Variants in BTAF1 observed in about 807,000 individuals in gnomAD.
BTAF1 encodes TATA-binding protein-associated factor 172.
A neutral mutation model predicts 227.1 loss-of-function variants in BTAF1; 38 were observed. The ratio of observed to expected loss-of-function variants is 0.17; its 90% CI spans 0.13 to 0.22. The LOEUF (loss-of-function observed/expected upper bound fraction) is 0.22. Among genes scored for constraint, BTAF1 ranks in the 10% least tolerant of loss-of-function variants. The pLI is 1.00. For missense variants in BTAF1, 1,598 were observed against 2,204.0 expected, an observed-to-expected ratio of 0.73 and a Z score of 5.51; for synonymous variants, 742 against 751.9, an observed-to-expected ratio of 0.99 and a Z score of 0.21.
intron 14 of BTAF1, among the ~76,000 whole-genome samples, chr10:91,978,817 T>TG (rs1432098717): frequency 4.4e-5 from 1 of 22,898 alleles, no homozygotes; most frequent in Non-Finnish European, 8.6e-5. Flanking sequence ...ATGGCTTGTT[T>TG]TTTTTTTTTT....
chr10:91,992,189 G>A lies in BTAF1; in HGVS notation c.2925G>A (p.Arg975=). 1.2e-6 allele frequency: 2 copies of A among 1,613,958 alleles called. No individual in the cohort carries two copies. The highest frequency in any genetic ancestry group is 1.7e-6 in the Non-Finnish European group (2 of 1,179,980). The part of the protein sequence containing the change: ...TKHRGIITLY[R]HQKAAFAITS... ...ACAGAGGTATAATTACACTCTACAG[G>A]CACCAGAAAGCTGCCTTTGCTATCA... Residue 975 remains arginine (R), a synonymous_variant, in exon 21 of 38, where the codon AGG becomes AGA. Coordinates refer to ENST00000265990, the MANE Select transcript of BTAF1 (RefSeq NM_003972.3).
intron 20 of BTAF1, among the ~76,000 whole-genome samples, chr10:91,991,265 A>T (rs4290140): frequency 8.9e-5 from 8 of 90,060 alleles, no homozygotes; most frequent in Non-Finnish European, 1.2e-4. Flanking sequence ...TATAAATATA[A>T]ATATAAATAT....
chr10:91,994,406 G>A lies in BTAF1; in HGVS notation c.3200-129G>A, dbSNP rs10882014. 0.32 allele frequency: 187,052 copies of A among 588,456 alleles called. 32,855 individuals carry two copies. The highest frequency in any genetic ancestry group is 0.38 in the Non-Finnish European group (127,393 of 334,300). The allele number at this position is 588,456 out of a possible 1,614,324, so 36.5% of individuals were successfully genotyped here. A position where few individuals can be genotyped will look rare whatever the true frequency, so the allele number is the denominator to read the frequency against. On this transcript the variant is annotated intron_variant, in intron 22 of 37. Coordinates refer to ENST00000265990, the MANE Select transcript of BTAF1 (RefSeq NM_003972.3). Reference sequence around the variant, plus strand: ...CCCCAGCACTTAAATTAAGGTCATGGCATTTAATTTTAACACTAAGAAGCA... The same window carrying A: ...CCCCAGCACTTAAATTAAGGTCATGACATTTAATTTTAACACTAAGAAGCA...
chr10:91,991,791 G>GTATATA (rs1334412931), intron 20 of BTAF1, among the ~76,000 whole-genome samples: 1 of 68,476 alleles, frequency 1.5e-5, no homozygotes, highest in African/African-American at 1.2e-4. Flanking sequence ...GTGTGTGTGT[G>GTATATA]TGTGTGTATA....
chr10:92,020,657 G>T (rs1035810866), intron 34 of BTAF1, among the ~76,000 whole-genome samples: 3 of 152,096 alleles, frequency 2.0e-5, no homozygotes, highest in Admixed American at 2.0e-4. Flanking sequence ...TAAAACTGAA[G>T]AATGATTGTT....
intron 25 of BTAF1, among the ~76,000 whole-genome samples, chr10:91,999,110 A>G (rs1478125847): frequency 6.6e-6 from 1 of 151,730 alleles, no homozygotes; most frequent in Non-Finnish European, 1.5e-5. Context: ...GCTGCTCTGC[A>G]TTTATAAGTC....
intron 8 of BTAF1, among the ~76,000 whole-genome samples, chr10:91,958,711 A>C (rs1398335361): frequency 6.6e-6 from 1 of 152,162 alleles, no homozygotes; most frequent in Non-Finnish European, 1.5e-5. Context: ...TCGAAAAACA[A>C]ACAAACAAAC....
At chr10:91,966,503 T>A (rs1304227299) in intron 13 of BTAF1, 134 bp from the exon 14 acceptor site, 1 of 871,874 alleles carries the variant, frequency 1.1e-6, no homozygotes, top group Non-Finnish European at 1.7e-6. Context: ...AAAACTGTAT[T>A]ATCTTTTAAG....
chr10:91,967,818 T>C (rs1261827887), intron 14 of BTAF1, among the ~76,000 whole-genome samples: 1 of 152,240 alleles, frequency 6.6e-6, no homozygotes, highest in East Asian at 1.9e-4. Context: ...ATTCATTTTA[T>C]GTAGACCCTT....
At chr10:92,006,625 G>A (rs1040919589) in intron 25 of BTAF1, among the ~76,000 whole-genome samples, 8 of 152,154 alleles carry the variant, frequency 5.3e-5, no homozygotes, top group Non-Finnish European at 1.2e-4. Flanking sequence ...ATTATCAACA[G>A]CATAAAATTG....
intron 4 of BTAF1, among the ~76,000 whole-genome samples, chr10:91,948,016 TTTA>T (rs1400184166): frequency 2.0e-5 from 3 of 152,204 alleles, no homozygotes; most frequent in East Asian, 1.9e-4. Context: ...TTATCTTTTT[TTTA>T]TTATTATACT....
chr10:91,982,011 T>A, intron 16 of BTAF1, 72 bp from the exon 17 acceptor site: 2 of 1,491,418 alleles, frequency 1.3e-6, no homozygotes, highest in Non-Finnish European at 1.8e-6. Flanking sequence ...TTTAAAAATA[T>A]CATATTTTTG....
At chr10:91,983,084 A>G (rs1349833404) in intron 18 of BTAF1, among the ~76,000 whole-genome samples, 2 of 152,232 alleles carry the variant, frequency 1.3e-5, no homozygotes, top group East Asian at 1.9e-4. Context: ...TTGGTCATCC[A>G]TTCCTCTATA....
At chr10:91,959,661 C>T (rs538952018) in intron 9 of BTAF1, 124 bp from the exon 10 acceptor site, 4 of 381,256 alleles carry the variant, frequency 1.0e-5, no homozygotes, top group African/African-American at 2.1e-5. Context: ...CTAAGGTGTC[C>T]CCCAAGTCCC....
chr10:91,961,646 C>G (rs1846526089), intron 11 of BTAF1, among the ~76,000 whole-genome samples: 1 of 152,140 alleles, frequency 6.6e-6, no homozygotes. Flanking sequence ...GTTCTGCACT[C>G]TAGCCTCTGT....
At chr10:91,928,994 T>G (rs1479399285) in intron 1 of BTAF1, among the ~76,000 whole-genome samples, 1 of 151,996 alleles carries the variant, frequency 6.6e-6, no homozygotes, top group Non-Finnish European at 1.5e-5. Flanking sequence ...TTGTATATTT[T>G]GTAGAAGTGG....
At chr10:91,998,823 G>A (rs1386448412) in intron 25 of BTAF1, among the ~76,000 whole-genome samples, 5 of 152,054 alleles carry the variant, frequency 3.3e-5, no homozygotes, top group Non-Finnish European at 5.9e-5. Context: ...GGCCACAGTG[G>A]GTGGATCACT....
At chr10:92,015,005 C>T (rs1850614371) in intron 32 of BTAF1, among the ~76,000 whole-genome samples, 1 of 152,120 alleles carries the variant, frequency 6.6e-6, no homozygotes, top group Admixed American at 6.5e-5. Flanking sequence ...ATATGTAGTC[C>T]ATTGTTGACC....
intron 37 of BTAF1, among the ~76,000 whole-genome samples, chr10:92,028,495 T>C (rs1002267931): frequency 3.9e-4 from 60 of 152,256 alleles, no homozygotes; most frequent in African/African-American, 1.4e-3. Flanking sequence ...AAAACTGATA[T>C]CTAACTATAT....
Sources: gnomAD v4.1 joint callset for allele counts (sites outside exome capture counted in the v4.1 genomes callset) on GRCh38, gnomAD v4.1.1 for gene constraint, MANE v1.5 for transcripts, NCBI Gene and HGNC (gene_info 2026-07-23, HGNC 2026-07-21) for gene names.